EOMES: variants seen among roughly 807,000 people sequenced by gnomAD.
EOMES encodes the protein eomesodermin homolog.
A neutral mutation model predicts 61.0 loss-of-function variants in EOMES; 18 were observed. That is an observed-to-expected ratio of 0.30 (90% CI 0.20 to 0.44). The LOEUF is 0.44. Among genes scored for constraint, EOMES ranks in the 20% least tolerant of loss-of-function variants. EOMES has a pLI of 1.00. For synonymous variants in EOMES, 430 were observed against 394.0 expected, an observed-to-expected ratio of 1.09 and a Z score of -1.08; for missense variants, 885 against 939.2, an observed-to-expected ratio of 0.94 and a Z score of 0.75.
intron 2 of EOMES, 54 bp downstream of exon 2, chr3:27,720,117 G>T (rs1473757918): frequency 3.4e-6 from 5 of 1,489,976 alleles, no homozygotes; most frequent in Non-Finnish European, 4.5e-6. Flanking sequence ...TGAGTCGAGG[G>T]TTACGATTTC....
chr3:27,722,271 C>A lies in EOMES; in HGVS notation c.24G>T (p.Leu8Phe), dbSNP rs1349415754. 6.3e-7 allele frequency: 1 copy of A among 1,596,834 alleles called. No homozygotes were observed. Among genetic ancestry groups the A allele is most frequent in the Non-Finnish European group, 8.5e-7 (1 of 1,173,304 alleles). ...CGCCAGGCAGGTTCACTGAGCTCACCAAGAGCTGCTCCCCTAACTGCATGC... is the reference window on the plus strand; with the variant it reads ...CGCCAGGCAGGTTCACTGAGCTCACAAAGAGCTGCTCCCCTAACTGCATGC... MQLGEQL[L>F]VSSVNLPGAH... is the part of the protein sequence containing the mutation. Residue 8 changes from leucine (L) to phenylalanine (F), a missense_variant, in exon 1 of 6, where the codon TTG (leucine) becomes TTT (phenylalanine). By Grantham distance (22) the Leu-to-Phe change is conservative (BLOSUM62 0). This residue lies in a region of EOMES where 449 missense variants were observed against 383.6 expected (regional missense o/e 1.17). Coordinates refer to ENST00000449599, the MANE Select transcript of EOMES (RefSeq NM_001278182.2).
In EOMES at chr3:27,722,255, G is replaced by A. The variant is rs2060622718; in HGVS notation, c.40C>T (p.Leu14=). Residue 14 remains leucine (L), a synonymous_variant, in exon 1 of 6, where the codon CTG becomes TTG. Coordinates refer to ENST00000449599, the MANE Select transcript of EOMES (RefSeq NM_001278182.2). The part of the protein sequence containing the change: ...GEQLLVSSVN[L]PGAHFYPLES... ...AGCGGGTAGAAGTGCGCGCCAGGCA[G>A]GTTCACTGAGCTCACCAAGAGCTGC... The A allele has an allele frequency of 6.2e-7, 1 of 1,602,810 alleles. No individual in the cohort carries two copies. The highest frequency in any genetic ancestry group is 8.5e-7 in the Non-Finnish European group (1 of 1,175,812).
intron 2 of EOMES, 102 bp downstream of exon 2, chr3:27,720,069 G>A (rs2060599217): frequency 2.6e-6 from 3 of 1,171,332 alleles, no homozygotes; most frequent in South Asian, 1.5e-5. Flanking sequence ...CAGAATGGAA[G>A]GGGAAAAAAA....
chr3:27,716,831 G>A lies in EOMES; in HGVS notation c.*239C>T, dbSNP rs2060572289. 1.5e-5 allele frequency: 7 copies of A among 481,182 alleles called. No homozygotes were observed. Among genetic ancestry groups the A allele is most frequent in the South Asian group, 7.4e-5 (2 of 27,146 alleles). The allele number at this position is 481,182 out of a possible 1,614,324, so 29.8% of individuals were successfully genotyped here. A position where few individuals can be genotyped will look rare whatever the true frequency, so the allele number is the denominator to read the frequency against. On this transcript the variant is annotated 3_prime_UTR_variant, in exon 6 of 6. Coordinates refer to ENST00000449599, the MANE Select transcript of EOMES (RefSeq NM_001278182.2). ...AAATACAGAACCTTGGATACCCTTC[G>A]AATTTTAAAATACCTTAAAGTCTTC...
chr3:27,722,268 C>T lies in EOMES; in HGVS notation c.27G>A (p.Val9=). The change falls in exon 1 of 6, where the codon GTG becomes GTA. Residue 9 remains valine, a synonymous_variant. Coordinates refer to ENST00000449599, the MANE Select transcript of EOMES (RefSeq NM_001278182.2). ...GCGCGCCAGGCAGGTTCACTGAGCTCACCAAGAGCTGCTCCCCTAACTGCA... is the reference window on the plus strand; with the variant it reads ...GCGCGCCAGGCAGGTTCACTGAGCTTACCAAGAGCTGCTCCCCTAACTGCA... MQLGEQLL[V]SSVNLPGAHF... is the part of the protein sequence containing the mutation. 1 of 1,597,520 alleles carries T rather than the reference C, an allele frequency of 6.3e-7. No individual in the cohort carries two copies. Among genetic ancestry groups the T allele is most frequent in the Non-Finnish European group, 8.5e-7 (1 of 1,173,508 alleles).
Position 27,717,250 on chromosome 3 carries a change from A to G in EOMES, c.1938T>C (p.Ser646=). 6.2e-7 allele frequency: 1 copy of G among 1,613,868 alleles called. No homozygotes were observed. The change falls in exon 6 of 6, where the codon TCT becomes TCC. Residue 646 remains serine (S), a synonymous_variant. Transcript: ENST00000449599. This position sits in a 1 kb window ranked among gnomAD's most constrained non-coding sequence, Gnocchi z 4.5. ...SWIETPPSIK[S]LDSNDSGVYT... is the part of the protein sequence containing the mutation. ...ATACTCCTGAATCATTGGAATCTAGAGATTTGATGGAAGGGGGTGTCTCTA... is the reference window on the plus strand; with the variant it reads ...ATACTCCTGAATCATTGGAATCTAGGGATTTGATGGAAGGGGGTGTCTCTA...
intron 5 of EOMES, 140 bp downstream of exon 5, chr3:27,718,447 G>GA (rs1365067657): frequency 3.3e-5 from 18 of 552,448 alleles, no homozygotes; most frequent in Non-Finnish European, 3.7e-5. Flanking sequence ...ATTAGTAAAG[G>GA]AAAAAATTTT....
At chr3:27,720,397 G>A in intron 1 of EOMES, 72 bp from the exon 2 acceptor site, 4 of 1,349,650 alleles carry the variant, frequency 3.0e-6, no homozygotes, top group Non-Finnish European at 4.2e-6. Flanking sequence ...GGCCCCAGCG[G>A]GTTCCCCAGA....
upstream of EOMES, chr3:27,722,503 C>CA (rs2060625002): frequency 2.4e-5 from 32 of 1,348,762 alleles, no homozygotes; most frequent in Admixed American, 7.9e-5. Context: ...AGGAAAGCGC[C>CA]GTGAGTTGGA....
At chr3:27,718,364 AC>A (rs1346233059) in intron 5 of EOMES, among the ~76,000 whole-genome samples, 2 of 152,196 alleles carry the variant, frequency 1.3e-5, no homozygotes, top group Non-Finnish European at 2.9e-5. Flanking sequence ...TGCTAAAAAA[AC>A]CTCTTCATTT....
Position 27,717,899 on chromosome 3 carries a change from T to C in EOMES, c.1380-91A>G. Reference sequence around the variant, plus strand: ...CTCCCAGAAATGAAAAAGGCTTGTGTTGGTTATCTACACCGAAAGTGCTGG... The same window carrying C: ...CTCCCAGAAATGAAAAAGGCTTGTGCTGGTTATCTACACCGAAAGTGCTGG... On this transcript the variant is annotated intron_variant, in intron 5 of 5. Coordinates refer to ENST00000449599, the MANE Select transcript of EOMES (RefSeq NM_001278182.2). The surrounding 1 kb of genome is among the most constrained non-coding windows in gnomAD (Gnocchi z 4.5). The C allele has an allele frequency of 1.0e-6, 1 of 978,146 alleles. No homozygotes were observed. The highest frequency in any genetic ancestry group is 1.5e-6 in the Non-Finnish European group (1 of 685,040). The allele number at this position is 978,146 out of a possible 1,614,324, so 60.6% of individuals were successfully genotyped here.
At position 27,716,861 on chromosome 3, in the gene EOMES, A is replaced by C. The variant is rs1046798925; in HGVS notation, c.*209T>G. On this transcript the variant is annotated 3_prime_UTR_variant, in exon 6 of 6. Transcript: ENST00000449599. ...TTAAAATACCTTAAAGTCTTCCATT[A>C]ATCTTATTTTTTAAAAATGCTAGGT... 4 of 547,226 alleles carry C rather than the reference A, an allele frequency of 7.3e-6. No individual in the cohort carries two copies. Among genetic ancestry groups the C allele is most frequent in the Non-Finnish European group, 9.6e-6 (3 of 311,460 alleles). 33.9% of individuals were successfully genotyped at this position (547,226 alleles called of 1,614,324 possible). A position where few individuals can be genotyped will look rare whatever the true frequency, so the allele number is the denominator to read the frequency against.
chr3:27,719,594 G>A, intron 2 of EOMES, 113 bp from the exon 3 acceptor site: 1 of 971,344 alleles, frequency 1.0e-6, no homozygotes, highest in Non-Finnish European at 1.5e-6. Context: ...TAGACTTACA[G>A]TTGGTCTCCC....
Position 27,721,355 on chromosome 3 carries a change from C to T in EOMES, c.881+59G>A. On this transcript the variant is annotated intron_variant, in intron 1 of 5. Coordinates refer to ENST00000449599, the MANE Select transcript of EOMES (RefSeq NM_001278182.2). The surrounding 1 kb of genome is among the most constrained non-coding windows in gnomAD (Gnocchi z 7.4). ...TCAGCTCCCTCATCCCGGACCTTCC[C>T]CAGGACCACACGTCACCCTTTATCC... The T allele has an allele frequency of 6.9e-7, 1 of 1,454,436 alleles. No homozygotes were observed. The highest frequency in any genetic ancestry group is 9.4e-7 in the Non-Finnish European group (1 of 1,060,344). The allele number at this position is 1,454,436 out of a possible 1,614,324, so 90.1% of individuals were successfully genotyped here. A position where few individuals can be genotyped will look rare whatever the true frequency, so the allele number is the denominator to read the frequency against.
In EOMES at chr3:27,721,649, T is replaced by A; in HGVS notation, c.646A>T (p.Ser216Cys). 4 of 1,539,752 alleles carry A rather than the reference T, an allele frequency of 2.6e-6. No homozygotes were observed. The highest frequency in any genetic ancestry group is 3.5e-6 in the Non-Finnish European group (4 of 1,146,056). The change falls in exon 1 of 6, where the codon AGT becomes TGT. Residue 216 changes from serine (S) to cysteine (C), a missense_variant. Coordinates refer to ENST00000449599, the MANE Select transcript of EOMES (RefSeq NM_001278182.2). The surrounding 1 kb of genome is among the most constrained non-coding windows in gnomAD (Gnocchi z 7.4). The stretch of plus-strand genomic sequence containing the variant: ...CCGCCGCTGCTACCGCCCGCGCCAC[T>A]GCCCGCACCGGCTCCTGGGCCGAAC... ...AQFGPGAGAG[S>C]GAGGSSGGGG...
Position 27,721,531 on chromosome 3 carries a change from A to G in EOMES, c.764T>C (p.Leu255Pro), listed in dbSNP as rs546003584. Residue 255 changes from leucine to proline, a missense_variant, in exon 1 of 6, where the codon CTG becomes CCG. Transcript: ENST00000449599. This position sits in a 1 kb window ranked among gnomAD's most constrained non-coding sequence, Gnocchi z 7.4. ...GAAAAGSCGG[L>P]GGLGVPGSGF... is the part of the protein sequence containing the mutation. ...AGAACCTGGAACCCCCAGGCCCCCCAGTCCTCCGCAAGATCCCGCCGCTGC... is the reference window on the plus strand; with the variant it reads ...AGAACCTGGAACCCCCAGGCCCCCCGGTCCTCCGCAAGATCCCGCCGCTGC... The G allele has an allele frequency of 1.2e-6, 2 of 1,610,008 alleles. No homozygotes were observed. Among genetic ancestry groups the G allele is most frequent in the Non-Finnish European group, 1.7e-6 (2 of 1,178,430 alleles).
upstream of EOMES, chr3:27,722,669 C>T (rs1418320510): frequency 9.7e-7 from 1 of 1,032,130 alleles, no homozygotes; most frequent in Non-Finnish European, 1.2e-6. Flanking sequence ...CCTTTCTGCC[C>T]TTTTTCAATT....
At position 27,717,281 on chromosome 3, in the gene EOMES, G is replaced by C; in HGVS notation, c.1907C>G (p.Ser636Cys). 1.2e-6 allele frequency: 2 copies of C among 1,613,950 alleles called. No individual in the cohort carries two copies. The highest frequency in any genetic ancestry group is 1.7e-6 in the Non-Finnish European group (2 of 1,179,812). ...KEKVKEEIGS[S>C]WIETPPSIKS... is the part of the protein sequence containing the mutation. ...GATGGAAGGGGGTGTCTCTATCCAA[G>C]AAGAGCCAATTTCCTCTTTCACTTT... Residue 636 changes from serine (S) to cysteine (C), a missense_variant, in exon 6 of 6, where the codon TCT (serine) becomes TGT (cysteine). Transcript: ENST00000449599. The surrounding 1 kb of genome is among the most constrained non-coding windows in gnomAD (Gnocchi z 4.5).
Position 27,717,971 on chromosome 3 carries a change from T to C in EOMES, c.1380-163A>G, listed in dbSNP as rs1388329877. On this transcript the variant is annotated intron_variant, in intron 5 of 5. Coordinates refer to ENST00000449599, the MANE Select transcript of EOMES (RefSeq NM_001278182.2). This position sits in a 1 kb window ranked among gnomAD's most constrained non-coding sequence, Gnocchi z 4.5. ...AGGCAGGAGATGCACTGGCCCATTT[T>C]AGCTGGACTCTTGGCTTATTGGGAA... is the stretch of plus-strand genomic sequence containing the variant. Among the ~76,000 whole-genome samples, 10 of 152,170 alleles carry C rather than the reference T, an allele frequency of 6.6e-5. No homozygotes were observed. The highest frequency in any genetic ancestry group is 1.3e-4 in the Non-Finnish European group (9 of 68,028).
Sources: gnomAD v4.1 joint callset for allele counts (sites outside exome capture counted in the v4.1 genomes callset) on GRCh38, gnomAD v4.1.1 for gene constraint, gnomAD v4.1.1 regional missense constraint, Gnocchi (gnomAD v3.1) non-coding constraint, MANE v1.5 for transcripts, NCBI Gene and HGNC (gene_info 2026-07-23, HGNC 2026-07-21) for gene names.